Variants in PLCH2 observed in about 807,000 individuals in gnomAD.
PLCH2 encodes the protein 1-phosphatidylinositol 4,5-bisphosphate phosphodiesterase eta-2.
Under a neutral mutation model 134.7 loss-of-function variants are expected in PLCH2, and 98 were observed. The ratio of observed to expected loss-of-function variants is 0.73; its 90% CI spans 0.62 to 0.86. The LOEUF (loss-of-function observed/expected upper bound fraction) is 0.86. Among genes scored for constraint, PLCH2 ranks in the 40% least tolerant of loss-of-function variants. PLCH2 has a pLI of 0.00. For synonymous variants in PLCH2, 974 were observed against 827.5 expected (o/e 1.18, Z -3.04); for missense variants, 1,994 against 1,986.6 (o/e 1.00, Z -0.07).
intron 2 of PLCH2, among the ~76,000 whole-genome samples, chr1:2,458,022 G>A (rs1337316062): frequency 6.6e-6 from 1 of 152,186 alleles, no homozygotes; most frequent in Non-Finnish European, 1.5e-5. Context: ...GGGGCTGGTG[G>A]GCGCTGGGCT....
At chr1:2,425,209 C>T (rs1012820959), upstream of PLCH2, among the ~76,000 whole-genome samples, 1 of 150,786 alleles carries the variant, frequency 6.6e-6, no homozygotes, top group African/African-American at 2.4e-5. Flanking sequence ...GTTGCTTGGG[C>T]GCATGCACAC....
chr1:2,497,717 C>G, intron 16 of PLCH2, 108 bp downstream of exon 16: 1 of 665,636 alleles, frequency 1.5e-6, no homozygotes, highest in East Asian at 3.7e-5. Context: ...GGGGTGGGGG[C>G]GGCTTTGGCA....
intron 1 of PLCH2, among the ~76,000 whole-genome samples, chr1:2,429,665 G>A (rs189174275): frequency 6.6e-6 from 1 of 152,280 alleles, no homozygotes; most frequent in African/African-American, 2.4e-5. Context: ...AGACCAAAGG[G>A]GCCTTGATTC....
rs1004258038 is a variant in PLCH2 at position 2,502,037 on chromosome 1, G to A, written c.2662-75G>A. On this transcript the variant is annotated intron_variant, in intron 20 of 21. Coordinates refer to ENST00000378486, the MANE Select transcript of PLCH2 (RefSeq NM_014638.4). ...TGGCACGTCTGTGGCACGGTCTGGA[G>A]AGCTGGCCCTGGGGGAGCAGCTGCA... 1.1e-5 allele frequency: 15 copies of A among 1,306,372 alleles called. No homozygotes were observed. In the South Asian group the frequency reaches 2.4e-4, roughly 20 times the overall value. The allele number at this position is 1,306,372 out of a possible 1,614,324, so 80.9% of individuals were successfully genotyped here. A position where few individuals can be genotyped will look rare whatever the true frequency, so the allele number is the denominator to read the frequency against.
chr1:2,464,596 AG>A (rs1640969094), upstream of PLCH2, among the ~76,000 whole-genome samples: 1 of 152,204 alleles, frequency 6.6e-6, no homozygotes, highest in Non-Finnish European at 1.5e-5. Context: ...ATGGCTGAGG[AG>A]GGGGGCCACC....
intron 2 of PLCH2, among the ~76,000 whole-genome samples, chr1:2,441,215 C>G (rs948226839): frequency 6.6e-6 from 1 of 152,204 alleles, no homozygotes; most frequent in African/African-American, 2.4e-5. Flanking sequence ...AGAGAGCCCC[C>G]CTGGCAGCCC....
the PLCH2 span, among the ~76,000 whole-genome samples, chr1:2,416,959 C>T: frequency 1.3e-5 from 2 of 152,032 alleles, no homozygotes; most frequent in Non-Finnish European, 2.9e-5. Flanking sequence ...CTCTGGGCTG[C>T]TCTTAGGACC....
At chr1:2,420,073 C>T in the PLCH2 span, among the ~76,000 whole-genome samples, 1 of 149,490 alleles carries the variant, frequency 6.7e-6, no homozygotes, top group South Asian at 2.1e-4. Context: ...GGCACAGCAA[C>T]AGTAACCTGC....
chr1:2,457,485 C>T (rs934179407), intron 2 of PLCH2, among the ~76,000 whole-genome samples: 2 of 152,194 alleles, frequency 1.3e-5, no homozygotes, highest in Non-Finnish European at 1.5e-5. Flanking sequence ...TCCCCAATGT[C>T]TCCTGGCCTT....
At chr1:2,456,881 G>A (rs936811933) in intron 2 of PLCH2, among the ~76,000 whole-genome samples, 1 of 152,170 alleles carries the variant, frequency 6.6e-6, no homozygotes, top group Non-Finnish European at 1.5e-5. Flanking sequence ...ACAGCCACAA[G>A]GGGCTTCCAG....
At chr1:2,494,401 T>C (rs566837083) in intron 11 of PLCH2, 50 of 194,708 alleles carry the variant, frequency 2.6e-4, no homozygotes, top group African/African-American at 1.0e-3. Context: ...GTGTGTCTGA[T>C]TAGGGATACC....
intron 1 of PLCH2, among the ~76,000 whole-genome samples, chr1:2,470,233 C>G (rs918545470): frequency 6.6e-6 from 1 of 152,188 alleles, no homozygotes; most frequent in Non-Finnish European, 1.5e-5. Context: ...AGGTTTCGGG[C>G]GGCCCAGTTC....
At chr1:2,473,153 C>G (rs918102154), upstream of PLCH2, among the ~76,000 whole-genome samples, 6 of 152,324 alleles carry the variant, frequency 3.9e-5, no homozygotes, top group Admixed American at 3.9e-4. Flanking sequence ...CAGCTGCCAC[C>G]CGCCCGGTTC....
intron 15 of PLCH2, 56 bp from the exon 16 acceptor site, chr1:2,497,446 G>A (rs921560641): frequency 2.5e-5 from 31 of 1,259,938 alleles, no homozygotes; most frequent in Non-Finnish European, 3.0e-5. Context: ...GGGTGGGCGG[G>A]GCACACACCT....
At chr1:2,475,292 C>T (rs1641553952), upstream of PLCH2, among the ~76,000 whole-genome samples, 1 of 152,174 alleles carries the variant, frequency 6.6e-6, no homozygotes, top group Admixed American at 6.5e-5. Flanking sequence ...CGAGCAGCTG[C>T]CCGGAACCTT....
chr1:2,468,506 C>G (rs896777306), intron 1 of PLCH2, among the ~76,000 whole-genome samples: 1 of 97,592 alleles, frequency 1.0e-5, no homozygotes, highest in Admixed American at 9.6e-5. Flanking sequence ...ACAGCGCTAG[C>G]TCTGGGCCAG....
At chr1:2,474,355 G>A (rs1336150754), upstream of PLCH2, among the ~76,000 whole-genome samples, 2 of 151,674 alleles carry the variant, frequency 1.3e-5, no homozygotes, top group Non-Finnish European at 2.9e-5. Context: ...TTGGACCTCA[G>A]GGCAGGCAGG....
chr1:2,504,881 A>G lies in PLCH2; in HGVS notation c.3919A>G (p.Thr1307Ala). The change falls in exon 22 of 22, where the codon ACT becomes GCT. Residue 1307 changes from threonine (T) to alanine (A), a missense_variant. Physicochemically the swap from Thr to Ala is moderately conservative, Grantham distance 58. Around this residue, in one of 2 missense-constraint regions of PLCH2, gnomAD observed 900 missense variants for 752.3 expected, o/e 1.20. Transcript: ENST00000378486. ...CCTGACAGAGCAGCTGCGCTGGCTC[A>G]CTGTCTTCCAGCAGGCAGGAGACAT... Reference protein sequence around the residue: ...DTLTEQLRWLTVFQQAGDITS... With the variant: ...DTLTEQLRWLAVFQQAGDITS... The G allele has an allele frequency of 6.3e-7, 1 of 1,590,770 alleles. No homozygotes were observed. The highest frequency in any genetic ancestry group is 8.6e-7 in the Non-Finnish European group (1 of 1,167,972).
rs1557969694 is a variant in PLCH2, at chr1:2,459,465, T to TCCTTGCCGGTGGTC, written c.116-19010_116-19009insCTTGCCGGTGGTCC. 9.1e-5 allele frequency among the ~76,000 whole-genome samples: 2 copies of TCCTTGCCGGTGGTC among 22,056 alleles called. 1 individual carries two copies. The highest frequency in any genetic ancestry group is 4.1e-4 in the African/African-American group (2 of 4,874). The allele number at this position is 22,056 out of a possible 152,430, so 14.5% of individuals were successfully genotyped here. A position where few individuals can be genotyped will look rare whatever the true frequency, so the allele number is the denominator to read the frequency against. ...GCCGGTGGTCCTCCTTCCTGGTGGT[T>TCCTTGCCGGTGGTC]CTCCTTCCTGGTGGTCCTCCTTCCT... On this transcript the variant is annotated intron_variant, in intron 2 of 3. Coordinates refer to the PLCH2 transcript ENST00000609981.
Sources: allele counts gnomAD v4.1 joint callset (sites outside exome capture counted in the v4.1 genomes callset), GRCh38; gene constraint gnomAD v4.1.1; regional missense constraint gnomAD v4.1.1; transcripts MANE v1.5; gene names NCBI Gene and HGNC (gene_info 2026-07-23, HGNC 2026-07-21).